Variants in OR51B5 observed in about 807,000 individuals in gnomAD.
The protein encoded by OR51B5 is olfactory receptor family 51 subfamily B member 5, also known as olfactory receptor 51B5.
For missense variants in OR51B5, 456 were observed against 374.6 expected (o/e 1.22, Z -1.79); for synonymous variants, 186 against 144.8 (o/e 1.28, Z -2.04).
At chr11:5,377,657 T>C (rs6578617) in intron 1 of OR51B5, among the ~76,000 whole-genome samples, 35,718 of 151,688 alleles carry the variant, frequency 0.24, 4,404 homozygotes, top group Non-Finnish European at 0.26. Flanking sequence ...AGCATTCTTA[T>C]ACACCAATAA....
At chr11:5,365,151 TTGTC>T (rs760010907) in intron 1 of OR51B5, among the ~76,000 whole-genome samples, 30 of 152,228 alleles carry the variant, frequency 2.0e-4, no homozygotes, top group Non-Finnish European at 3.4e-4. Flanking sequence ...CTTTTCTTCT[TTGTC>T]TGGTGAGTTC....
At chr11:5,373,227 A>T (rs1019621263) in intron 1 of OR51B5, among the ~76,000 whole-genome samples, 10 of 152,226 alleles carry the variant, frequency 6.6e-5, no homozygotes, top group Non-Finnish European at 1.0e-4. Flanking sequence ...ACATGTATAG[A>T]GATAGCTGCT....
chr11:5,433,124 CAG>C (rs1396420204), intron 1 of OR51B5, among the ~76,000 whole-genome samples: 3 of 152,044 alleles, frequency 2.0e-5, no homozygotes, highest in South Asian at 2.1e-4. Flanking sequence ...TAGAAACAAA[CAG>C]AGTTTAGGAA....
In OR51B5 at chr11:5,488,804, C is replaced by T. The variant is rs1314213040; in HGVS notation, n.84+16765G>A. ...GCTGCCCACTTCTGGATTGCCATCC[C>T]TTTCTGTGCCATGTATCTTGTAGCA... On this transcript the variant is annotated intron_variant and non_coding_transcript_variant, in intron 1 of 4. Transcript: ENST00000415970. 3.7e-6 allele frequency: 6 copies of T among 1,613,918 alleles called. No individual in the cohort carries two copies. Among genetic ancestry groups the T allele is most frequent in the Non-Finnish European group, 4.2e-6 (5 of 1,179,956 alleles).
At chr11:5,453,277 C>T (rs1222485307) in intron 1 of OR51B5, 4 of 408,552 alleles carry the variant, frequency 9.8e-6, no homozygotes, top group Non-Finnish European at 1.7e-5. Context: ...ATTAGCTCAG[C>T]CTGCAGGCTG....
chr11:5,438,124 T>C lies in OR51B5; in HGVS notation n.84+67445A>G, dbSNP rs138989875. Among the ~76,000 whole-genome samples, 172 of 152,192 alleles carry C rather than the reference T, an allele frequency of 1.1e-3. 1 individual carries two copies. The highest frequency in any genetic ancestry group is 2.8e-4 in the Non-Finnish European group (19 of 67,996). ...CCTTGTAAGTTAGGTCACAGAATCA[T>C]GGACAAAGAAGGAAACAAATGATGC... On this transcript the variant is annotated intron_variant and non_coding_transcript_variant, in intron 1 of 4. Transcript: ENST00000415970.
At chr11:5,357,421 G>A (rs1849211235) in intron 1 of OR51B5, among the ~76,000 whole-genome samples, 1 of 151,010 alleles carries the variant, frequency 6.6e-6, no homozygotes, top group Non-Finnish European at 1.5e-5. Flanking sequence ...AACAAGAAGA[G>A]CTAACTATCC....
intron 1 of OR51B5, among the ~76,000 whole-genome samples, chr11:5,375,788 C>T (rs1188179724): frequency 2.6e-5 from 4 of 152,148 alleles, no homozygotes; most frequent in African/African-American, 7.2e-5. Context: ...GCACCCAATA[C>T]AGGAGCACCC....
intron 1 of OR51B5, among the ~76,000 whole-genome samples, chr11:5,439,143 G>A (rs1021925036): frequency 5.3e-5 from 8 of 151,902 alleles, no homozygotes; most frequent in African/African-American, 1.2e-4. Flanking sequence ...GCCTGAATGG[G>A]AGCCCTAAAG....
upstream of OR51B5, chr11:5,346,758 G>A (rs1321956022): frequency 6.6e-6 from 1 of 152,000 alleles, no homozygotes; most frequent in African/African-American, 2.4e-5. Context: ...ATCTTTCTCT[G>A]GAGAGCTTAT....
At chr11:5,397,665 T>C (rs1849898900) in intron 1 of OR51B5, among the ~76,000 whole-genome samples, 1 of 151,264 alleles carries the variant, frequency 6.6e-6, no homozygotes, top group South Asian at 2.1e-4. Flanking sequence ...GATCTAGAAC[T>C]AGAAATACCA....
At chr11:5,456,393 G>A (rs1249083807) in intron 1 of OR51B5, 3 of 152,118 alleles carry the variant, frequency 2.0e-5, no homozygotes, top group Non-Finnish European at 4.4e-5. Context: ...TAAGAAAAAT[G>A]TAGGGCCACT....
At chr11:5,442,082 A>T (rs1477697768) in intron 1 of OR51B5, among the ~76,000 whole-genome samples, 1 of 152,060 alleles carries the variant, frequency 6.6e-6, no homozygotes, top group African/African-American at 2.4e-5. Flanking sequence ...AGTCTCCATG[A>T]TTCCCCCATT....
chr11:5,361,432 T>G (rs1247765054), intron 1 of OR51B5, among the ~76,000 whole-genome samples: 1 of 152,138 alleles, frequency 6.6e-6, no homozygotes, highest in African/African-American at 2.4e-5. Flanking sequence ...TGGTGTTGGA[T>G]CCAATATCTT....
intron 1 of OR51B5, among the ~76,000 whole-genome samples, chr11:5,503,143 A>G (rs1239217466): frequency 2.0e-5 from 3 of 152,170 alleles, no homozygotes; most frequent in Non-Finnish European, 4.4e-5. Context: ...CTATATTCTT[A>G]TTTTACCTAT....
At chr11:5,493,238 T>C (rs1031044503) in intron 1 of OR51B5, among the ~76,000 whole-genome samples, 2 of 152,094 alleles carry the variant, frequency 1.3e-5, no homozygotes, top group Non-Finnish European at 2.9e-5. Flanking sequence ...CTCACTGGGG[T>C]CTGAAGGCAG....
At chr11:5,409,659 G>A (rs1008639928) in intron 1 of OR51B5, among the ~76,000 whole-genome samples, 5 of 151,984 alleles carry the variant, frequency 3.3e-5, no homozygotes, top group South Asian at 2.1e-4. Context: ...ATATAAAGAC[G>A]TGAAATACAT....
At chr11:5,489,601 A>G (rs1164075883) in intron 1 of OR51B5, 2 of 1,613,870 alleles carry the variant, frequency 1.2e-6, no homozygotes, top group Non-Finnish European at 1.7e-6. Context: ...CTATGGAGCT[A>G]GAACCAAGGA....
chr11:5,413,813 T>G (rs565619987), intron 1 of OR51B5, among the ~76,000 whole-genome samples: 334 of 151,840 alleles, frequency 2.2e-3, no homozygotes, highest in African/African-American at 6.4e-3. Flanking sequence ...CTGATTGGTG[T>G]ACCTGAAAGT....
Sources: allele counts gnomAD v4.1 joint callset (sites outside exome capture counted in the v4.1 genomes callset), GRCh38; gene constraint gnomAD v4.1.1; transcripts MANE v1.5; gene names NCBI Gene and HGNC (gene_info 2026-07-23, HGNC 2026-07-21).